HOXC9: variants seen among roughly 807,000 people sequenced by gnomAD.
HOXC9 encodes homeobox C9.
A neutral mutation model predicts 20.0 loss-of-function variants in HOXC9; 10 were observed. The observed-to-expected ratio is 0.50, with a 90% CI of 0.31 to 0.85. The LOEUF (loss-of-function observed/expected upper bound fraction) is 0.85, where lower values mean the gene tolerates loss of function less well. HOXC9 is among the 40% of genes least tolerant of loss of function. HOXC9 has a pLI of 0.05. For missense variants in HOXC9, 394 were observed against 376.7 expected (o/e 1.05, Z -0.38); for synonymous variants, 200 against 163.7 (o/e 1.22, Z -1.69).
rs144189376 is a variant in HOXC9 at position 54,002,555 on chromosome 12, C to T, written c.664C>T (p.Arg222Trp). 1.2e-6 allele frequency: 2 copies of T among 1,614,054 alleles called. No homozygotes were observed. Among genetic ancestry groups the T allele is most frequent in the Non-Finnish European group, 1.7e-6 (2 of 1,180,026 alleles). The change falls in exon 2 of 2, where the codon CGG becomes TGG. Residue 222 changes from arginine to tryptophan, a missense_variant. Physicochemically the swap from Arg to Trp is moderately radical, Grantham distance 101. Transcript: ENST00000303450. ...LFNMYLTRDR[R>W]YEVARVLNLT... ...CAATATGTATTTAACCAGGGACCGT[C>T]GGTATGAGGTGGCCCGGGTTCTCAA...
In HOXC9 at chr12:54,000,657, CTGCCCT is replaced by C. The variant is rs769102141; in HGVS notation, c.470_475del (p.Leu157_Ser159delinsPro). ...GCTGCGCGACCGCGCCCCGCAGACA[CTGCCCT>C]CGCCCGAGGCGGACGCGCTCGCCGG... On this transcript the variant is annotated inframe_deletion, in exon 1 of 2. Coordinates refer to ENST00000303450, the MANE Select transcript of HOXC9 (RefSeq NM_006897.3). 2 of 1,559,084 alleles carry C rather than the reference CTGCCCT, an allele frequency of 1.3e-6. No individual in the cohort carries two copies. Among genetic ancestry groups the C allele is most frequent in the East Asian group, 4.9e-5 (2 of 41,044 alleles).
intron 1 of HOXC9, among the ~76,000 whole-genome samples, chr12:54,001,621 G>A (rs557077420): frequency 5.3e-5 from 8 of 152,226 alleles, no homozygotes; most frequent in African/African-American, 1.2e-4. Context: ...AAGTGTCTGG[G>A]GGAGTCCCAG....
In HOXC9 at chr12:54,002,551, C is replaced by T. The variant is rs1379890024; in HGVS notation, c.660C>T (p.Asp220=). The change falls in exon 2 of 2, where the codon GAC becomes GAT. Residue 220 remains aspartate, a synonymous_variant. Transcript: ENST00000303450. ...TCTTCAATATGTATTTAACCAGGGA[C>T]CGTCGGTATGAGGTGGCCCGGGTTC... ...EFLFNMYLTR[D]RRYEVARVLN... 6.2e-7 allele frequency: 1 copy of T among 1,614,186 alleles called. No individual in the cohort carries two copies. Among genetic ancestry groups the T allele is most frequent in the Admixed American group, 1.7e-5 (1 of 60,014 alleles).
Position 54,002,797 on chromosome 12 carries a change from C to A in HOXC9, c.*123C>A. The A allele has an allele frequency of 8.6e-7, 1 of 1,163,282 alleles. No individual in the cohort carries two copies. Among genetic ancestry groups the A allele is most frequent in the Non-Finnish European group, 1.2e-6 (1 of 839,946 alleles). The allele number at this position is 1,163,282 out of a possible 1,614,324, so 72.1% of individuals were successfully genotyped here. On this transcript the variant is annotated 3_prime_UTR_variant, in exon 2 of 2. Transcript: ENST00000303450. ...AAGAGCAAGATAGACAAAAGCCAATCAGCTTAAAAAGAAAAACAAGGAAGG... is the reference window on the plus strand; with the variant it reads ...AAGAGCAAGATAGACAAAAGCCAATAAGCTTAAAAAGAAAAACAAGGAAGG...
intron 1 of HOXC9, 32 bp downstream of exon 1, chr12:54,000,758 G>A (rs937567847): frequency 1.4e-6 from 2 of 1,467,944 alleles, no homozygotes; most frequent in Non-Finnish European, 1.8e-6. Context: ...TTTACAACCG[G>A]CGCGGGAGGG....
At chr12:54,001,376 T>G (rs963875217) in intron 1 of HOXC9, among the ~76,000 whole-genome samples, 3 of 151,468 alleles carry the variant, frequency 2.0e-5, no homozygotes, top group Non-Finnish European at 4.4e-5. Flanking sequence ...GGGGAAGGAT[T>G]GAGAATGGGG....
At chr12:54,001,436 A>G (rs1318581922) in intron 1 of HOXC9, among the ~76,000 whole-genome samples, 2 of 148,450 alleles carry the variant, frequency 1.3e-5, no homozygotes, top group Non-Finnish European at 2.9e-5. Flanking sequence ...TTCTACACAC[A>G]CACACACACA....
chr12:54,000,722 C>G lies in HOXC9; in HGVS notation c.534C>G (p.Asp178Glu). The G allele has an allele frequency of 6.5e-7, 1 of 1,532,554 alleles. No individual in the cohort carries two copies. Among genetic ancestry groups the G allele is most frequent in the East Asian group, 2.4e-5 (1 of 40,998 alleles). 94.9% of individuals were successfully genotyped at this position (1,532,554 alleles called of 1,614,324 possible). Residue 178 changes from aspartate to glutamate, a missense_variant, in exon 1 of 2, where the codon GAC becomes GAG. Asp to Glu is a conservative substitution (Grantham distance 45). Transcript: ENST00000303450. The part of the protein sequence containing the change: ...SKHKEEKADL[D>E]PSNPVANWIH... ...ACAAAGAGGAGAAGGCCGACCTGGA[C>G]CCCAGTAAGTTGGGAGCAATTTTCC...
rs896220275 is a variant in HOXC9, at chr12:54,002,654, A to G, written c.763A>G (p.Thr255Ala). ...GATGAAAAAGATGAATAAAGAGAAA[A>G]CCGACAAGGAGCAGTCCTAAACCCT... is the stretch of plus-strand genomic sequence containing the variant. Reference protein sequence around the residue: ...MKMKKMNKEKTDKEQS With the variant: ...MKMKKMNKEKADKEQS The change falls in exon 2 of 2, where the codon ACC (threonine) becomes GCC (alanine). Residue 255 changes from threonine (T) to alanine (A), a missense_variant. Transcript: ENST00000303450. The G allele has an allele frequency of 6.2e-7, 1 of 1,614,016 alleles. No individual in the cohort carries two copies. Among genetic ancestry groups the G allele is most frequent in the Non-Finnish European group, 8.5e-7 (1 of 1,179,948 alleles).
rs777153714 is a variant in HOXC9 at position 54,000,701 on chromosome 12, AGAG to A, written c.517_519del (p.Glu173del). On this transcript the variant is annotated inframe_deletion, in exon 1 of 2. Transcript: ENST00000303450. ...ACGCGCTCGCCGGCAGCAAGCACAAAGAGGAGAAGGCCGACCTGGACCCCAGTA... is the reference window on the plus strand; with the variant it reads ...ACGCGCTCGCCGGCAGCAAGCACAAAGAGAAGGCCGACCTGGACCCCAGTA... The A allele has an allele frequency of 3.3e-5, 52 of 1,567,336 alleles. No individual in the cohort carries two copies. Among genetic ancestry groups the A allele is most frequent in the Non-Finnish European group, 3.9e-5 (45 of 1,163,128 alleles).
In HOXC9 at chr12:54,002,727, C is replaced by T; in HGVS notation, c.*53C>T. 3 of 1,550,302 alleles carry T rather than the reference C, an allele frequency of 1.9e-6. No individual in the cohort carries two copies. Among genetic ancestry groups the T allele is most frequent in the Non-Finnish European group, 2.6e-6 (3 of 1,147,376 alleles). The stretch of plus-strand genomic sequence containing the variant: ...AGCCAAGGGAAAAACAAAAACCCCA[C>T]AAAATACCCCAACACAGGCGGGGGA... On this transcript the variant is annotated 3_prime_UTR_variant, in exon 2 of 2. Coordinates refer to ENST00000303450, the MANE Select transcript of HOXC9 (RefSeq NM_006897.3).
intron 1 of HOXC9, among the ~76,000 whole-genome samples, chr12:54,000,996 G>A (rs921006874): frequency 6.6e-6 from 1 of 152,184 alleles, no homozygotes; most frequent in Non-Finnish European, 1.5e-5. Context: ...CCTCCTCCCA[G>A]CCCAGGCTTT....
rs1430883730 is a variant in HOXC9, at chr12:54,000,202, G to A, written c.14G>A (p.Gly5Glu). 6.2e-7 allele frequency: 1 copy of A among 1,613,860 alleles called. No individual in the cohort carries two copies. Among genetic ancestry groups the A allele is most frequent in the Non-Finnish European group, 8.5e-7 (1 of 1,180,010 alleles). ...AACCCCGTTACGATGTCGGCGACGG[G>A]GCCCATCAGTAACTATTACGTGGAC... Reference protein sequence around the residue: MSATGPISNYYVDSL... With the variant: MSATEPISNYYVDSL... Residue 5 changes from glycine to glutamate, a missense_variant, in exon 1 of 2, where the codon GGG becomes GAG. Coordinates refer to ENST00000303450, the MANE Select transcript of HOXC9 (RefSeq NM_006897.3).
Position 54,000,178 on chromosome 12 carries a change from A to C in HOXC9, c.-11A>C, listed in dbSNP as rs1034543997. 6.2e-7 allele frequency: 1 copy of C among 1,613,064 alleles called. No homozygotes were observed. The highest frequency in any genetic ancestry group is 8.5e-7 in the Non-Finnish European group (1 of 1,179,718). ...CATACAATAATCTTATGTATGTAAA[A>C]CCCCGTTACGATGTCGGCGACGGGG... is the stretch of plus-strand genomic sequence containing the variant. On this transcript the variant is annotated 5_prime_UTR_variant, in exon 1 of 2. Transcript: ENST00000303450.
rs748414235 is a variant in HOXC9, at chr12:54,000,617, C to T, written c.429C>T (p.Tyr143=). The T allele has an allele frequency of 5.2e-6, 8 of 1,538,938 alleles. No individual in the cohort carries two copies. The East Asian group carries it at 1.5e-4, about 28-fold the overall frequency. ...GCCGCAGCTACCCGGACTACATGTA[C>T]GGCTCGCCCGGGGAGCTGCGCGACC... ...GEGRSYPDYM[Y]GSPGELRDRA... The change falls in exon 1 of 2, where the codon TAC becomes TAT. Residue 143 remains tyrosine, a synonymous_variant. Transcript: ENST00000303450.
Position 54,000,598 on chromosome 12 carries a change from G to A in HOXC9, c.410G>A (p.Ser137Asn). The A allele has an allele frequency of 6.5e-7, 1 of 1,534,578 alleles. No homozygotes were observed. The highest frequency in any genetic ancestry group is 8.7e-7 in the Non-Finnish European group (1 of 1,147,698). Residue 137 changes from serine (S) to asparagine (N), a missense_variant, in exon 1 of 2, where the codon AGC becomes AAC. Physicochemically the swap from Ser to Asn is conservative, Grantham distance 46. Coordinates refer to ENST00000303450, the MANE Select transcript of HOXC9 (RefSeq NM_006897.3). ...GACTGCGGCCCAGGGGAGGGCCGCA[G>A]CTACCCGGACTACATGTACGGCTCG... ...RADCGPGEGR[S>N]YPDYMYGSPG...
At chr12:54,000,841 G>A in intron 1 of HOXC9, 115 bp downstream of exon 1, 2 of 963,660 alleles carry the variant, frequency 2.1e-6, no homozygotes, top group East Asian at 3.1e-5. Context: ...AGAGGGGCGA[G>A]GGGGCGAGGA....
At chr12:54,002,365 A>G in intron 1 of HOXC9, 65 bp from the exon 2 acceptor site, 1 of 1,561,792 alleles carries the variant, frequency 6.4e-7, no homozygotes, top group East Asian at 2.3e-5. Context: ...GTCTAGGGGT[A>G]GAGTAGCAGA....
intron 1 of HOXC9, 40 bp downstream of exon 1, chr12:54,000,766 G>A: frequency 6.9e-7 from 1 of 1,444,484 alleles, no homozygotes; most frequent in Non-Finnish European, 9.1e-7. Flanking sequence ...CGGCGCGGGA[G>A]GGGAGGGGAG....
Sources: allele counts gnomAD v4.1 joint callset (sites outside exome capture counted in the v4.1 genomes callset), GRCh38; gene constraint gnomAD v4.1.1; transcripts MANE v1.5; gene names NCBI Gene and HGNC (gene_info 2026-07-23, HGNC 2026-07-21).